YEATS2: variants seen among roughly 807,000 people sequenced by gnomAD.
The protein encoded by YEATS2 is YEATS domain containing 2.
A neutral mutation model predicts 163.2 loss-of-function variants in YEATS2; 77 were observed. The ratio of observed to expected loss-of-function variants is 0.47; its 90% confidence interval spans 0.39 to 0.57. YEATS2 has a LOEUF of 0.57. YEATS2 is among the 20% of genes least tolerant of loss of function. The pLI, the probability that YEATS2 is intolerant of heterozygous loss-of-function variation, is 0.00. For missense variants in YEATS2, 1,549 were observed against 1,729.8 expected (o/e 0.90, Z 1.85); for synonymous variants, 631 against 645.1 (o/e 0.98, Z 0.33).
intron 7 of YEATS2, among the ~76,000 whole-genome samples, chr3:183,732,450 C>G (rs1717891972): frequency 6.7e-6 from 1 of 149,400 alleles, no homozygotes; most frequent in Non-Finnish European, 1.5e-5. Flanking sequence ...AAGACTCTGT[C>G]TCAAAATAAA....
rs757763870 is a variant in YEATS2, at chr3:183,756,637, T to C, written c.1500T>C (p.Val500=). 5.0e-6 allele frequency: 8 copies of C among 1,599,528 alleles called. No homozygotes were observed. In the East Asian group the frequency reaches 1.8e-4, roughly 36 times the overall value. The change falls in exon 12 of 31, where the codon GTT becomes GTC. Residue 500 remains valine, a synonymous_variant. Coordinates refer to ENST00000305135, the MANE Select transcript of YEATS2 (RefSeq NM_018023.5). The part of the protein sequence containing the change: ...TAGSVINNPY[V]IMDKQPGQVI... ...GCTCTGTTATTAATAATCCTTATGT[T>C]ATCATGGACAAGCAGCCGGGGCAGG...
chr3:183,797,401 G>A (rs189960622), intron 21 of YEATS2, among the ~76,000 whole-genome samples: 8 of 151,774 alleles, frequency 5.3e-5, no homozygotes, highest in African/African-American at 1.9e-4. Flanking sequence ...TTAAAAATTA[G>A]CTGTGTGTCA....
At position 183,762,081 on chromosome 3, in the gene YEATS2, T is replaced by C. The variant is rs1239325937; in HGVS notation, c.1765-16T>C. 1 of 1,614,100 alleles carries C rather than the reference T, an allele frequency of 6.2e-7. No individual in the cohort carries two copies. Among genetic ancestry groups the C allele is most frequent in the East Asian group, 2.2e-5 (1 of 44,878 alleles). The stretch of plus-strand genomic sequence containing the variant: ...GTTTATGGATGTTTATTCAGTGTCA[T>C]TATGTTTGTTGCAAGGTGATCATCA... On this transcript the variant is annotated splice_polypyrimidine_tract_variant and intron_variant, in intron 14 of 30. Transcript: ENST00000305135.
chr3:183,800,972 C>G (rs1725616713), intron 24 of YEATS2: 1 of 172,032 alleles, frequency 5.8e-6, no homozygotes, highest in Non-Finnish European at 1.2e-5. Flanking sequence ...ACACTCTTTG[C>G]TGCTTCTAAA....
At chr3:183,809,386 ATCC>A (rs1049779233) in intron 30 of YEATS2, 5 of 503,432 alleles carry the variant, frequency 9.9e-6, no homozygotes, top group Non-Finnish European at 1.8e-5. Context: ...AGAGGTTTAT[ATCC>A]TCCTCATTAC....
At chr3:183,723,219 T>C (rs1247147686) in intron 5 of YEATS2, among the ~76,000 whole-genome samples, 1 of 152,220 alleles carries the variant, frequency 6.6e-6, no homozygotes, top group Admixed American at 6.5e-5. Flanking sequence ...CATTGCTCTT[T>C]GATCATGCCA....
At chr3:183,701,069 G>C (rs797002966) in intron 1 of YEATS2, among the ~76,000 whole-genome samples, 101 of 150,922 alleles carry the variant, frequency 6.7e-4, no homozygotes, top group African/African-American at 2.3e-3. Flanking sequence ...GTGTGTGTGT[G>C]TGTATATATA....
chr3:183,728,925 C>G, intron 7 of YEATS2, 74 bp downstream of exon 7: 1 of 1,424,052 alleles, frequency 7.0e-7, no homozygotes, highest in Non-Finnish European at 9.6e-7. Context: ...AGTGATTTAA[C>G]TTCAAAACAT....
At chr3:183,797,352 T>C (rs1725252257) in intron 21 of YEATS2, among the ~76,000 whole-genome samples, 1 of 149,596 alleles carries the variant, frequency 6.7e-6, no homozygotes, top group Non-Finnish European at 1.5e-5. Context: ...AAGACCAGCC[T>C]GGGCAACAAA....
At chr3:183,779,862 T>A (rs527239424) in intron 19 of YEATS2, among the ~76,000 whole-genome samples, 11 of 152,052 alleles carry the variant, frequency 7.2e-5, no homozygotes, top group African/African-American at 2.7e-4. Context: ...CATGTCCAGC[T>A]AATTTTTGTA....
chr3:183,804,194 C>G lies in YEATS2; in HGVS notation c.3784+6C>G. ...CCAGATCGACAGCGAGCCCGGTAAGCCTTCAGTGGCACTGCCCAGAGCGCC... is the reference window on the plus strand; with the variant it reads ...CCAGATCGACAGCGAGCCCGGTAAGGCTTCAGTGGCACTGCCCAGAGCGCC... On this transcript the variant is annotated splice_donor_region_variant and intron_variant, in intron 27 of 30. Transcript: ENST00000305135. The G allele has an allele frequency of 6.2e-7, 1 of 1,614,076 alleles. No individual in the cohort carries two copies. The highest frequency in any genetic ancestry group is 8.5e-7 in the Non-Finnish European group (1 of 1,180,014).
At chr3:183,804,633 C>A (rs921763082) in intron 27 of YEATS2, among the ~76,000 whole-genome samples, 1 of 152,160 alleles carries the variant, frequency 6.6e-6, no homozygotes, top group South Asian at 2.1e-4. Flanking sequence ...CCACCCAGTG[C>A]GGGAGGCACT....
chr3:183,702,868 A>G (rs1055246323), intron 1 of YEATS2, among the ~76,000 whole-genome samples: 9 of 152,084 alleles, frequency 5.9e-5, no homozygotes, highest in African/African-American at 1.9e-4. Flanking sequence ...AGTTACCTAA[A>G]GTCAGCTTTC....
At chr3:183,730,052 G>GTTTGTT (rs1560244258) in intron 7 of YEATS2, among the ~76,000 whole-genome samples, 9 of 41,722 alleles carry the variant, frequency 2.2e-4, no homozygotes, top group South Asian at 1.4e-3. Flanking sequence ...TTTTTTGTTT[G>GTTTGTT]TTTTTTTTTT....
intron 5 of YEATS2, among the ~76,000 whole-genome samples, chr3:183,723,734 A>T (rs1241367331): frequency 6.6e-6 from 1 of 152,186 alleles, no homozygotes; most frequent in East Asian, 1.9e-4. Flanking sequence ...TAACATGGTG[A>T]AACTCCATTT....
At chr3:183,725,522 G>A (rs1716995557) in intron 6 of YEATS2, among the ~76,000 whole-genome samples, 1 of 152,172 alleles carries the variant, frequency 6.6e-6, no homozygotes, top group African/African-American at 2.4e-5. Context: ...CAATCCTGGC[G>A]GAAGGCAAGG....
intron 1 of YEATS2, among the ~76,000 whole-genome samples, chr3:183,703,996 TA>T (rs986917782): frequency 6.6e-6 from 1 of 151,276 alleles, no homozygotes; most frequent in African/African-American, 2.4e-5. Flanking sequence ...TAAAATAAAA[TA>T]AAAAATAGCC....
intron 29 of YEATS2, 148 bp downstream of exon 29, chr3:183,808,252 T>C: frequency 1.5e-6 from 1 of 656,810 alleles, no homozygotes; most frequent in East Asian, 2.9e-5. Context: ...TTTGTTTTTT[T>C]GTTTTTTTTC....
intron 14 of YEATS2, 23 bp downstream of exon 14, chr3:183,761,637 T>A: frequency 6.3e-7 from 1 of 1,598,390 alleles, no homozygotes; most frequent in Non-Finnish European, 8.6e-7. Flanking sequence ...TAGGGCATTG[T>A]CCCACAAGTC....
Sources: gnomAD v4.1 joint callset for allele counts (sites outside exome capture counted in the v4.1 genomes callset) on GRCh38, gnomAD v4.1.1 for gene constraint, MANE v1.5 for transcripts, NCBI Gene and HGNC (gene_info 2026-07-23, HGNC 2026-07-21) for gene names.